Variants in SGCD observed in about 807,000 individuals in gnomAD.
SGCD encodes sarcoglycan delta.
A neutral mutation model predicts 36.6 loss-of-function variants in SGCD; 18 were observed. The observed-to-expected ratio is 0.49, with a 90% CI of 0.34 to 0.73. The LOEUF is 0.73. SGCD is among the 30% of genes least tolerant of loss of function. SGCD has a pLI of 0.01. For missense variants in SGCD, 387 were observed against 346.7 expected (o/e 1.12, Z -0.92); for synonymous variants, 133 against 130.6 (o/e 1.02, Z -0.12).
chr5:156,754,562 T>C (rs1757268783), intron 7 of SGCD, among the ~76,000 whole-genome samples: 1 of 152,194 alleles, frequency 6.6e-6, no homozygotes, highest in South Asian at 2.1e-4. Flanking sequence ...AAAGATACAA[T>C]AGATGGAAAG....
chr5:155,835,199 G>C, the SGCD span, among the ~76,000 whole-genome samples: 1 of 151,584 alleles, frequency 6.6e-6, no homozygotes, highest in African/African-American at 2.4e-5. Flanking sequence ...GTAGAGACAG[G>C]GTTTTGCCAT....
Position 156,759,234 on chromosome 5 carries a change from G to A in SGCD, c.717G>A (p.Ala239=), listed in dbSNP as rs145430692. 6.4e-5 allele frequency: 103 copies of A among 1,613,654 alleles called. No homozygotes were observed. The highest frequency in any genetic ancestry group is 8.9e-5 in the East Asian group (4 of 44,876). Residue 239 remains alanine (A), a synonymous_variant, in exon 9 of 9, where the codon GCG becomes GCA. Transcript: ENST00000337851. ...GTCTTTAGATTAAGTTAGATGCTGC[G>A]AAAATCAGGCTACCTAGACTGCCTC... ...SKDGEIKLDA[A]KIRLPRLPHG... is the part of the protein sequence containing the mutation.
chr5:156,127,442 T>C (rs946913084), intron 3 of SGCD, among the ~76,000 whole-genome samples: 1 of 151,668 alleles, frequency 6.6e-6, no homozygotes, highest in Admixed American at 6.6e-5. Flanking sequence ...GTTTCTAAAA[T>C]AAAATAGAAA....
chr5:156,039,211 C>G (rs1195139167), intron 1 of SGCD, among the ~76,000 whole-genome samples: 5 of 147,424 alleles, frequency 3.4e-5, no homozygotes, highest in Non-Finnish European at 7.4e-5. Flanking sequence ...CTATGCCTCT[C>G]TAGTGAATCA....
At chr5:156,539,368 G>A (rs897250975) in intron 4 of SGCD, among the ~76,000 whole-genome samples, 3 of 151,838 alleles carry the variant, frequency 2.0e-5, no homozygotes, top group Admixed American at 6.6e-5. Context: ...CCCCTGAGAA[G>A]TATACACAGT....
chr5:155,742,677 T>C, the SGCD span, among the ~76,000 whole-genome samples: 1 of 152,212 alleles, frequency 6.6e-6, no homozygotes, highest in Non-Finnish European at 1.5e-5. Flanking sequence ...CAAGCCATTC[T>C]CCAGCAGATA....
intron 4 of SGCD, among the ~76,000 whole-genome samples, chr5:156,524,094 CTATATATATATATATATATATA>C (rs60414987): frequency 0.053 from 2,156 of 40,532 alleles, 89 homozygotes; most frequent in East Asian, 0.29. Flanking sequence ...TGAGGTCTTA[CTATATATATATATATATATATA>C]TATATATATA....
chr5:156,189,921 T>A (rs1763849905), intron 3 of SGCD, among the ~76,000 whole-genome samples: 1 of 152,200 alleles, frequency 6.6e-6, no homozygotes, highest in South Asian at 2.1e-4. Context: ...TGTTCTCATT[T>A]ATTTGGTGGC....
chr5:156,418,003 T>C (rs531467221), intron 3 of SGCD, among the ~76,000 whole-genome samples: 162 of 152,296 alleles, frequency 1.1e-3, no homozygotes, highest in Admixed American at 1.9e-3. Context: ...TTCTTATCCA[T>C]TGTCTTGTCA....
intron 7 of SGCD, among the ~76,000 whole-genome samples, chr5:156,686,172 T>TA (rs1753897999): frequency 6.6e-6 from 1 of 152,240 alleles, no homozygotes; most frequent in African/African-American, 2.4e-5. Flanking sequence ...GTTCTGTTTT[T>TA]ATCCCCATTT....
intron 3 of SGCD, among the ~76,000 whole-genome samples, chr5:156,178,167 C>T (rs1010746122): frequency 2.0e-5 from 3 of 151,970 alleles, no homozygotes; most frequent in African/African-American, 7.3e-5. Flanking sequence ...ATTCAAAGTA[C>T]TGTTTCTACT....
chr5:156,129,844 G>A (rs985620065), intron 3 of SGCD, among the ~76,000 whole-genome samples: 1 of 152,080 alleles, frequency 6.6e-6, no homozygotes, highest in African/African-American at 2.4e-5. Flanking sequence ...GGCTGCATAG[G>A]ATTCCATGGT....
chr5:155,948,758 A>T (rs756643259), intron 1 of SGCD, among the ~76,000 whole-genome samples: 1 of 152,166 alleles, frequency 6.6e-6, no homozygotes, highest in Non-Finnish European at 1.5e-5. Context: ...GCAAATCTTT[A>T]CTGAACTATT....
At chr5:155,807,893 G>T in the SGCD span, among the ~76,000 whole-genome samples, 7 of 152,178 alleles carry the variant, frequency 4.6e-5, no homozygotes, top group African/African-American at 1.7e-4. Context: ...GATGGAGGAG[G>T]ATGATACACT....
intron 3 of SGCD, among the ~76,000 whole-genome samples, chr5:156,466,190 A>G (rs1420843009): frequency 6.6e-6 from 1 of 152,228 alleles, no homozygotes; most frequent in Non-Finnish European, 1.5e-5. Flanking sequence ...AGATGCAACT[A>G]TAAAAATTCA....
intron 1 of SGCD, among the ~76,000 whole-genome samples, chr5:155,895,245 A>G (rs74490665): frequency 0.016 from 2,446 of 152,334 alleles, 57 homozygotes; most frequent in African/African-American, 0.048. Flanking sequence ...TTTGGGTTCA[A>G]TTCTCAGGTA....
chr5:155,924,149 T>C (rs548895309), intron 1 of SGCD, among the ~76,000 whole-genome samples: 2 of 152,332 alleles, frequency 1.3e-5, no homozygotes, highest in South Asian at 2.1e-4. Flanking sequence ...CCTTTTGATA[T>C]AGAAAGAAAA....
intron 4 of SGCD, among the ~76,000 whole-genome samples, chr5:156,584,970 G>A (rs1760433394): frequency 1.3e-5 from 2 of 152,144 alleles, no homozygotes; most frequent in Admixed American, 1.3e-4. Context: ...AGGAATATGT[G>A]GGGCACTAGA....
At chr5:156,036,936 G>C (rs1473923099) in intron 1 of SGCD, among the ~76,000 whole-genome samples, 1 of 152,134 alleles carries the variant, frequency 6.6e-6, no homozygotes, top group East Asian at 1.9e-4. Flanking sequence ...ATTCAGGGTA[G>C]AGCAAAACAG....
Sources: gnomAD v4.1 joint callset for allele counts (sites outside exome capture counted in the v4.1 genomes callset) on GRCh38, gnomAD v4.1.1 for gene constraint, MANE v1.5 for transcripts, NCBI Gene and HGNC (gene_info 2026-07-23, HGNC 2026-07-21) for gene names.